Variants in UNC45B observed in about 807,000 individuals in gnomAD.
The protein encoded by UNC45B is unc-45 myosin chaperone B.
Under a neutral mutation model 98.7 loss-of-function variants are expected in UNC45B, and 78 were observed. The ratio of observed to expected loss-of-function variants is 0.79; its 90% CI spans 0.66 to 0.95. The LOEUF is 0.95. Among genes scored for constraint, UNC45B ranks in the 40% least tolerant of loss-of-function variants. The pLI is 0.00. For synonymous variants in UNC45B, 462 were observed against 480.4 expected (o/e 0.96, Z 0.50); for missense variants, 1,225 against 1,184.9 (o/e 1.03, Z -0.50).
intron 13 of UNC45B, 24 bp from the exon 14 acceptor site, chr17:35,174,218 A>G (rs753318907): frequency 1.2e-6 from 2 of 1,613,734 alleles, no homozygotes; most frequent in Admixed American, 1.7e-5. Context: ...ACCCTCCCAC[A>G]TTGCCATCTT....
Position 35,148,439 on chromosome 17 carries a change from G to T in UNC45B, c.168+8G>T. The T allele has an allele frequency of 1.2e-6, 2 of 1,612,948 alleles. No individual in the cohort carries two copies. The highest frequency in any genetic ancestry group is 1.7e-6 in the Non-Finnish European group (2 of 1,179,566). On this transcript the variant is annotated splice_region_variant and intron_variant, in intron 2 of 19. Transcript: ENST00000394570. ...GCCTGTGGCCTGAAAACGGTCTGGGGCAGGGCAGGGCACAGGGTGGGAGTG... is the reference window on the plus strand; with the variant it reads ...GCCTGTGGCCTGAAAACGGTCTGGGTCAGGGCAGGGCACAGGGTGGGAGTG...
In UNC45B at chr17:35,177,135, G is replaced by A. The variant is rs2092240105; in HGVS notation, c.2139+5G>A. ...ATTGCTTTTCCTGGGGAGCGGGTAG[G>A]TGCTTGGGTAGATGGGATAGGGCAA... On this transcript the variant is annotated splice_donor_5th_base_variant and intron_variant, in intron 16 of 19. Coordinates refer to ENST00000394570, the MANE Select transcript of UNC45B (RefSeq NM_001267052.2). 2 of 1,613,568 alleles carry A rather than the reference G, an allele frequency of 1.2e-6. No homozygotes were observed. Among genetic ancestry groups the A allele is most frequent in the South Asian group, 1.1e-5 (1 of 91,064 alleles).
At chr17:35,160,588 A>C (rs150688192) in intron 8 of UNC45B, among the ~76,000 whole-genome samples, 1,813 of 152,236 alleles carry the variant, frequency 0.012, 47 homozygotes, top group South Asian at 0.06. Flanking sequence ...CACAGGCACG[A>C]ACCATCATGC....
At position 35,180,667 on chromosome 17, in the gene UNC45B, C is replaced by G; in HGVS notation, c.2364C>G (p.Leu788=). The G allele has an allele frequency of 6.2e-7, 1 of 1,612,990 alleles. No homozygotes were observed. Among genetic ancestry groups the G allele is most frequent in the Non-Finnish European group, 8.5e-7 (1 of 1,179,670 alleles). The change falls in exon 18 of 20, where the codon CTC becomes CTG. Residue 788 remains leucine, a synonymous_variant. Coordinates refer to ENST00000394570, the MANE Select transcript of UNC45B (RefSeq NM_001267052.2). ...AATECMCNMV[L]HKEVQERFLA... ...CCGAGTGCATGTGCAACATGGTGCTCCACAAGGAGGTGAGGCAGGGGCTCA... is the reference window on the plus strand; with the variant it reads ...CCGAGTGCATGTGCAACATGGTGCTGCACAAGGAGGTGAGGCAGGGGCTCA...
rs112924083 is a variant in UNC45B, at chr17:35,174,383, G to A, written c.1958+14G>A. The A allele has an allele frequency of 9.3e-6, 15 of 1,614,042 alleles. No homozygotes were observed. Among genetic ancestry groups the A allele is most frequent in the African/African-American group, 5.3e-5 (4 of 75,040 alleles). On this transcript the variant is annotated intron_variant, in intron 14 of 19. Transcript: ENST00000394570. ...GCTGCTGGCCAGGTGGGGCTGCAGTGGGCCAAGGCTTGGAACTAGGGCTGG... is the reference window on the plus strand; with the variant it reads ...GCTGCTGGCCAGGTGGGGCTGCAGTAGGCCAAGGCTTGGAACTAGGGCTGG...
In UNC45B at chr17:35,174,242, G is replaced by A. The variant is rs2092210240; in HGVS notation, c.1831G>A (p.Asp611Asn). The A allele has an allele frequency of 6.2e-7, 1 of 1,614,116 alleles. No individual in the cohort carries two copies. Among genetic ancestry groups the A allele is most frequent in the Non-Finnish European group, 8.5e-7 (1 of 1,180,008 alleles). The part of the protein sequence containing the change: ...KQHVPEEHPK[D>N]KKDFIDMRVK... The stretch of plus-strand genomic sequence containing the variant: ...CATTGCCATCTTTTCATCTCCTCAG[G>A]ACAAGAAGGACTTTATAGACATGCG... Residue 611 changes from aspartate to asparagine, a missense_variant and splice_region_variant, in exon 14 of 20, where the codon GAC becomes AAC. Transcript: ENST00000394570.
At chr17:35,169,730 A>G in intron 10 of UNC45B, 107 bp from the exon 11 acceptor site, 1 of 927,040 alleles carries the variant, frequency 1.1e-6, no homozygotes, top group South Asian at 1.4e-5. Context: ...AAGCAAAGAA[A>G]GAGGGGCGAA....
intron 15 of UNC45B, 106 bp from the exon 16 acceptor site, chr17:35,176,911 T>A: frequency 1.2e-6 from 1 of 806,184 alleles, no homozygotes; most frequent in South Asian, 1.7e-5. Flanking sequence ...ACGGCAGAAT[T>A]TTCCTGGACC....
chr17:35,183,648 A>G (rs1436265631), intron 19 of UNC45B, 66 bp downstream of exon 19: 1 of 1,406,716 alleles, frequency 7.1e-7, no homozygotes, highest in Admixed American at 2.7e-5. Flanking sequence ...CCCACAGACC[A>G]CACTGGATGA....
intron 18 of UNC45B, 96 bp downstream of exon 18, chr17:35,180,772 T>C (rs2092268645): frequency 3.5e-6 from 3 of 864,324 alleles, no homozygotes; most frequent in Non-Finnish European, 1.9e-6. Flanking sequence ...GCTCTTATGA[T>C]GGCATTAAGG....
Position 35,148,305 on chromosome 17 carries a change from C to T in UNC45B, c.42C>T (p.Asn14=). The T allele has an allele frequency of 1.2e-6, 2 of 1,614,136 alleles. No individual in the cohort carries two copies. The highest frequency in any genetic ancestry group is 1.7e-6 in the Non-Finnish European group (2 of 1,180,010). Residue 14 remains asparagine, a synonymous_variant, in exon 2 of 20, where the codon AAC becomes AAT. Coordinates refer to ENST00000394570, the MANE Select transcript of UNC45B (RefSeq NM_001267052.2). ...CGGTACAGCTGAAGGAGGAAGGAAA[C>T]CGGCATTTCCAGCTCCAGGACTACA... The part of the protein sequence containing the change: ...VEAVQLKEEG[N]RHFQLQDYKA...
chr17:35,178,111 G>C (rs1295755905), intron 17 of UNC45B, among the ~76,000 whole-genome samples: 1 of 152,112 alleles, frequency 6.6e-6, no homozygotes, highest in East Asian at 1.9e-4. Flanking sequence ...TGTTGGCCAA[G>C]CTGGTCTCAA....
At position 35,148,430 on chromosome 17, in the gene UNC45B, C is replaced by T. The variant is rs576792252; in HGVS notation, c.167C>T (p.Thr56Met). ...YRNRAACGLK[T>M]ESYVQAASDA... ...AACCGGGCAGCCTGTGGCCTGAAAA[C>T]GGTCTGGGGCAGGGCAGGGCACAGG... Residue 56 changes from threonine to methionine, a missense_variant and splice_region_variant, in exon 2 of 20, where the codon ACG (threonine) becomes ATG (methionine). By Grantham distance (81) the Thr-to-Met change is moderately conservative (BLOSUM62 -1). Transcript: ENST00000394570. 316 of 1,613,422 alleles carry T rather than the reference C, an allele frequency of 2.0e-4. 5 individuals carry two copies. In the South Asian group the frequency reaches 3.2e-3, roughly 16 times the overall value.
chr17:35,174,267 G>C lies in UNC45B; in HGVS notation c.1856G>C (p.Arg619Pro). 6.2e-7 allele frequency: 1 copy of C among 1,614,116 alleles called. No individual in the cohort carries two copies. Among genetic ancestry groups the C allele is most frequent in the Non-Finnish European group, 8.5e-7 (1 of 1,180,018 alleles). Residue 619 changes from arginine (R) to proline (P), a missense_variant, in exon 14 of 20, where the codon CGG becomes CCG. By Grantham distance (103) the Arg-to-Pro change is moderately radical. Coordinates refer to ENST00000394570, the MANE Select transcript of UNC45B (RefSeq NM_001267052.2). ...PKDKKDFIDM[R>P]VKRLLKAGVI... ...GACAAGAAGGACTTTATAGACATGC[G>C]GGTGAAGCGGCTTCTGAAGGCGGGT...
At chr17:35,153,424 A>T (rs2092035168) in intron 5 of UNC45B, among the ~76,000 whole-genome samples, 1 of 152,194 alleles carries the variant, frequency 6.6e-6, no homozygotes, top group Admixed American at 6.5e-5. Context: ...TATTGAAAGA[A>T]GTCATTCTGA....
chr17:35,168,631 A>C (rs979098156), intron 10 of UNC45B, among the ~76,000 whole-genome samples: 2 of 152,214 alleles, frequency 1.3e-5, no homozygotes, highest in Non-Finnish European at 2.9e-5. Context: ...TGTGTCCAGA[A>C]TGCATTTTCA....
In UNC45B at chr17:35,186,383, AACCT is replaced by A. The variant is rs758927163; in HGVS notation, c.2617_2620del (p.Leu873TrpfsTer20). 3.1e-6 allele frequency: 5 copies of A among 1,614,156 alleles called. No homozygotes were observed. The highest frequency in any genetic ancestry group is 1.7e-6 in the Non-Finnish European group (2 of 1,180,030). ...ACACCGGGGCCTGGTCATTGCCTAC[AACCT>A]ACTGGCAGCCGATGCTGAGCTGGCC... On this transcript the variant is annotated frameshift_variant, in exon 20 of 20. Coordinates refer to ENST00000394570, the MANE Select transcript of UNC45B (RefSeq NM_001267052.2). LOFTEE classifies it high-confidence loss of function.
intron 8 of UNC45B, among the ~76,000 whole-genome samples, chr17:35,162,945 C>G (rs2092111916): frequency 6.6e-6 from 1 of 152,204 alleles, no homozygotes; most frequent in African/African-American, 2.4e-5. Flanking sequence ...AAATCCATCT[C>G]TCTGTTGCCC....
At chr17:35,160,958 T>C (rs1248299340) in intron 8 of UNC45B, among the ~76,000 whole-genome samples, 1 of 152,258 alleles carries the variant, frequency 6.6e-6, no homozygotes, top group Non-Finnish European at 1.5e-5. Flanking sequence ...AGAATGTCTT[T>C]TGATATTGCA....
Sources: allele counts gnomAD v4.1 joint callset (sites outside exome capture counted in the v4.1 genomes callset), GRCh38; gene constraint gnomAD v4.1.1; transcripts MANE v1.5; gene names NCBI Gene and HGNC (gene_info 2026-07-23, HGNC 2026-07-21).